Variants in RSRC1 observed in about 807,000 individuals in gnomAD.
RSRC1 encodes arginine and serine rich coiled-coil 1.
In RSRC1, 39 loss-of-function variants were observed where a neutral mutation model predicts 49.1. That is an observed-to-expected ratio of 0.79 (90% confidence interval 0.61 to 1.04). The LOEUF is 1.04. Ranked by LOEUF, RSRC1 falls within the 50% of genes least tolerant of loss-of-function variation. RSRC1 has a pLI of 0.00. For missense variants in RSRC1, 388 were observed against 402.4 expected (o/e 0.96, Z 0.31); for synonymous variants, 143 against 130.8 (o/e 1.09, Z -0.63).
At chr3:158,536,988 T>A (rs1463698020) in intron 7 of RSRC1, 104 bp from the exon 8 acceptor site, 3 of 701,674 alleles carry the variant, frequency 4.3e-6, no homozygotes, top group African/African-American at 1.8e-5. Context: ...ATTTATAATG[T>A]CTTTTTATCC....
chr3:158,448,158 A>T (rs1736822865), intron 6 of RSRC1, among the ~76,000 whole-genome samples: 1 of 152,022 alleles, frequency 6.6e-6, no homozygotes, highest in South Asian at 2.1e-4. Context: ...GTTGATGTAT[A>T]TGCTGTAAGT....
At chr3:158,395,839 A>G (rs1733582970) in intron 6 of RSRC1, among the ~76,000 whole-genome samples, 1 of 152,096 alleles carries the variant, frequency 6.6e-6, no homozygotes, top group African/African-American at 2.4e-5. Flanking sequence ...CTTATTACCC[A>G]TACCCAAAGA....
At chr3:158,193,013 A>C (rs1720335408) in intron 3 of RSRC1, among the ~76,000 whole-genome samples, 1 of 152,086 alleles carries the variant, frequency 6.6e-6, no homozygotes, top group Non-Finnish European at 1.5e-5. Flanking sequence ...GATTTTACAA[A>C]TTCACTCAAA....
chr3:158,364,163 T>C (rs1011685265), intron 6 of RSRC1, among the ~76,000 whole-genome samples: 18 of 152,218 alleles, frequency 1.2e-4, no homozygotes, highest in Non-Finnish European at 1.9e-4. Context: ...GTTAAATATG[T>C]GTAATTCAAA....
chr3:158,262,893 T>C (rs955046603), intron 4 of RSRC1, among the ~76,000 whole-genome samples: 1 of 152,172 alleles, frequency 6.6e-6, no homozygotes, highest in African/African-American at 2.4e-5. Context: ...GTGTTCACCT[T>C]GTATCCTGCA....
intron 6 of RSRC1, among the ~76,000 whole-genome samples, chr3:158,425,958 A>G (rs1236606233): frequency 2.0e-5 from 3 of 151,772 alleles, no homozygotes; most frequent in East Asian, 3.9e-4. Flanking sequence ...GGTGTCATCA[A>G]TAGGAAGCAA....
chr3:158,513,821 T>G (rs1463782960), intron 7 of RSRC1, among the ~76,000 whole-genome samples: 5 of 152,250 alleles, frequency 3.3e-5, no homozygotes, highest in African/African-American at 4.8e-5. Context: ...ATTCAGAGAT[T>G]CAACTTCTTC....
intron 6 of RSRC1, among the ~76,000 whole-genome samples, chr3:158,398,327 G>A (rs1250184551): frequency 6.6e-6 from 1 of 152,086 alleles, no homozygotes; most frequent in Non-Finnish European, 1.5e-5. Context: ...TATCTGGTGA[G>A]GGCCAGGAGG....
chr3:158,467,130 A>G (rs929475971), intron 7 of RSRC1, among the ~76,000 whole-genome samples: 1 of 152,230 alleles, frequency 6.6e-6, no homozygotes, highest in Non-Finnish European at 1.5e-5. Context: ...ACAAAAGAGT[A>G]TGACGATTAT....
intron 5 of RSRC1, among the ~76,000 whole-genome samples, chr3:158,353,743 A>G (rs1430826686): frequency 6.6e-6 from 1 of 152,166 alleles, no homozygotes; most frequent in Non-Finnish European, 1.5e-5. Flanking sequence ...ATATTCTAAT[A>G]TATCACATAA....
intron 7 of RSRC1, among the ~76,000 whole-genome samples, chr3:158,511,693 A>G (rs1284988448): frequency 1.3e-5 from 2 of 152,212 alleles, no homozygotes; most frequent in South Asian, 2.1e-4. Context: ...CTGAGGAATC[A>G]CCACACTGAC....
intron 3 of RSRC1, among the ~76,000 whole-genome samples, chr3:158,130,285 T>C (rs1455502804): frequency 6.6e-6 from 1 of 152,152 alleles, no homozygotes; most frequent in Non-Finnish European, 1.5e-5. Context: ...TACTATCACA[T>C]TGGTCATTAG....
At chr3:158,338,212 T>C (rs1730028923) in intron 5 of RSRC1, among the ~76,000 whole-genome samples, 1 of 131,414 alleles carries the variant, frequency 7.6e-6, no homozygotes, top group Non-Finnish European at 1.5e-5. Flanking sequence ...TAACTTTGCT[T>C]TTTTTTTTTG....
chr3:158,224,598 C>T (rs879365748), intron 4 of RSRC1, among the ~76,000 whole-genome samples: 16 of 151,736 alleles, frequency 1.1e-4, no homozygotes, highest in Admixed American at 5.3e-4. Context: ...CTCATTTCCT[C>T]TGTATAAATG....
At chr3:158,348,047 T>G (rs571493483) in intron 5 of RSRC1, among the ~76,000 whole-genome samples, 1 of 152,346 alleles carries the variant, frequency 6.6e-6, no homozygotes, top group East Asian at 1.9e-4. Flanking sequence ...TAATTTTCTT[T>G]GTTACCCTAT....
intron 4 of RSRC1, among the ~76,000 whole-genome samples, chr3:158,237,285 A>C (rs1323076733): frequency 6.6e-6 from 1 of 152,186 alleles, no homozygotes; most frequent in Non-Finnish European, 1.5e-5. Context: ...AATGAGAATA[A>C]AGCAGCTTTG....
intron 4 of RSRC1, among the ~76,000 whole-genome samples, chr3:158,289,267 C>T (rs573212155): frequency 1.3e-5 from 2 of 152,298 alleles, no homozygotes; most frequent in African/African-American, 4.8e-5. Flanking sequence ...CCTGTAGACC[C>T]TTTCTGTGAA....
chr3:158,462,950 A>G (rs1484258569), intron 7 of RSRC1, among the ~76,000 whole-genome samples: 1 of 152,034 alleles, frequency 6.6e-6, no homozygotes, highest in African/African-American at 2.4e-5. Flanking sequence ...TAACTAGAGT[A>G]TAAACTACAG....
intron 6 of RSRC1, among the ~76,000 whole-genome samples, chr3:158,410,730 T>G (rs1288110040): frequency 6.6e-6 from 1 of 152,116 alleles, no homozygotes; most frequent in Admixed American, 6.6e-5. Flanking sequence ...GCCCTTAGGA[T>G]TTTTTTCTGA....
Sources: gnomAD v4.1 joint callset for allele counts (sites outside exome capture counted in the v4.1 genomes callset) on GRCh38, gnomAD v4.1.1 for gene constraint, MANE v1.5 for transcripts, NCBI Gene and HGNC (gene_info 2026-07-23, HGNC 2026-07-21) for gene names.